The following CDK14 variants were observed in gnomAD, a reference collection of about 807,000 sequenced individuals.
The protein encoded by CDK14 is cyclin dependent kinase 14.
A neutral mutation model predicts 60.7 loss-of-function variants in CDK14; 34 were observed. That is an observed-to-expected ratio of 0.56 (90% confidence interval 0.43 to 0.75). CDK14 has a LOEUF of 0.75. Ranked by LOEUF, CDK14 falls within the 30% of genes least tolerant of loss-of-function variation. The pLI is 0.00. For synonymous variants in CDK14, 197 were observed against 203.7 expected (o/e 0.97, Z 0.28); for missense variants, 482 against 564.1 (o/e 0.85, Z 1.47).
chr7:91,118,196 CAA>C lies in CDK14; in HGVS notation c.*17_*18del. On this transcript the variant is annotated 3_prime_UTR_variant, in exon 14 of 15. Coordinates refer to ENST00000380050, the MANE Select transcript of CDK14 (RefSeq NM_001287135.2). Reference sequence around the variant, plus strand: ...CAAGCACTGACAAGCAGCACATTCTCAAGAGCACACAGGTAAGAGGACCTGCT... The same window carrying C: ...CAAGCACTGACAAGCAGCACATTCTCGAGCACACAGGTAAGAGGACCTGCT... 6.8e-7 allele frequency: 1 copy of C among 1,470,734 alleles called. No homozygotes were observed. 91.1% of individuals were successfully genotyped at this position (1,470,734 alleles called of 1,614,324 possible).
chr7:90,889,320 G>T (rs989819765), intron 6 of CDK14, among the ~76,000 whole-genome samples: 1 of 152,162 alleles, frequency 6.6e-6, no homozygotes, highest in East Asian at 1.9e-4. Context: ...GTCTATCCAT[G>T]ATGTCATTGC....
At chr7:90,788,719 G>A (rs966781946) in intron 4 of CDK14, among the ~76,000 whole-genome samples, 1 of 152,134 alleles carries the variant, frequency 6.6e-6, no homozygotes, top group Non-Finnish European at 1.5e-5. Flanking sequence ...TTTTTTGAGC[G>A]AAAGCAGACC....
chr7:91,090,226 G>A (rs936407178), intron 12 of CDK14, among the ~76,000 whole-genome samples: 2 of 152,014 alleles, frequency 1.3e-5, no homozygotes, highest in African/African-American at 2.4e-5. Context: ...AGTCTCTACC[G>A]TTCATCTAAA....
At chr7:91,058,635 G>A (rs1797665894) in intron 11 of CDK14, among the ~76,000 whole-genome samples, 1 of 152,176 alleles carries the variant, frequency 6.6e-6, no homozygotes, top group Non-Finnish European at 1.5e-5. Context: ...TTTTGTCAAA[G>A]GCTTTTTCTG....
chr7:91,156,089 T>G (rs1322009131), intron 14 of CDK14, among the ~76,000 whole-genome samples: 3 of 152,218 alleles, frequency 2.0e-5, no homozygotes, highest in African/African-American at 7.2e-5. Context: ...TGGCACTCAT[T>G]TATCACCTTC....
chr7:91,034,931 CACACACATACACAT>C (rs1796872795), intron 10 of CDK14, among the ~76,000 whole-genome samples: 1 of 118,346 alleles, frequency 8.4e-6, no homozygotes, highest in Admixed American at 1.0e-4. Flanking sequence ...TGTACACACA[CACACACATACACAT>C]ACACACACAC....
At chr7:91,188,918 A>G (rs2115926997) in intron 14 of CDK14, among the ~76,000 whole-genome samples, 1 of 152,296 alleles carries the variant, frequency 6.6e-6, no homozygotes, top group Non-Finnish European at 1.5e-5. Context: ...AGTAACAACC[A>G]AGTGCCCAAA....
At chr7:91,005,806 G>A (rs1032486025) in intron 10 of CDK14, among the ~76,000 whole-genome samples, 2 of 152,316 alleles carry the variant, frequency 1.3e-5, no homozygotes, top group African/African-American at 2.4e-5. Context: ...TCTAATTAAC[G>A]TTATGTAAAA....
At chr7:90,907,399 T>C (rs1792744182) in intron 7 of CDK14, among the ~76,000 whole-genome samples, 1 of 152,084 alleles carries the variant, frequency 6.6e-6, no homozygotes, top group Admixed American at 6.6e-5. Flanking sequence ...CAGTTTTTCA[T>C]GTGTTCTTTA....
chr7:91,032,151 A>G (rs1030765685), intron 10 of CDK14, among the ~76,000 whole-genome samples: 2 of 152,170 alleles, frequency 1.3e-5, no homozygotes, highest in East Asian at 1.9e-4. Context: ...TTTCATTATT[A>G]TGTCCTATTT....
intron 12 of CDK14, among the ~76,000 whole-genome samples, chr7:91,079,714 A>C (rs1798430295): frequency 2.0e-5 from 3 of 152,182 alleles, no homozygotes; most frequent in Admixed American, 2.0e-4. Flanking sequence ...AGAACTGTAA[A>C]TCCTAAAATT....
chr7:91,008,912 A>G (rs1342675616), intron 10 of CDK14, among the ~76,000 whole-genome samples: 1 of 152,132 alleles, frequency 6.6e-6, no homozygotes, highest in African/African-American at 2.4e-5. Context: ...TTAAGTTTTG[A>G]CATGTGTATA....
At chr7:90,929,118 T>A (rs981571638) in intron 8 of CDK14, among the ~76,000 whole-genome samples, 1 of 152,220 alleles carries the variant, frequency 6.6e-6, no homozygotes, top group Non-Finnish European at 1.5e-5. Context: ...TTTTCTCGAT[T>A]TTCTGTCACG....
intron 9 of CDK14, among the ~76,000 whole-genome samples, chr7:90,974,705 A>G (rs1362812662): frequency 3.3e-5 from 5 of 152,148 alleles, no homozygotes; most frequent in Non-Finnish European, 7.3e-5. Context: ...TTAGTTAACA[A>G]TATCTTTTTG....
chr7:91,144,935 G>T (rs1164986497), intron 14 of CDK14, among the ~76,000 whole-genome samples: 1 of 152,206 alleles, frequency 6.6e-6, no homozygotes, highest in Non-Finnish European at 1.5e-5. Context: ...TAAGGGCAGA[G>T]AAAAGAGAAA....
intron 5 of CDK14, among the ~76,000 whole-genome samples, chr7:90,834,226 A>G (rs1197861342): frequency 6.6e-6 from 1 of 152,252 alleles, no homozygotes; most frequent in East Asian, 1.9e-4. Context: ...CATATGTACA[A>G]TTACTACATT....
Position 91,160,456 on chromosome 7 carries a change from A to G in CDK14, c.*28+42248A>G, listed in dbSNP as rs543736158. Reference sequence around the variant, plus strand: ...GACTTAAAGAGCAGGAAAGTCCCCAATCACCATCTGGATAATATATGTATA... The same window carrying G: ...GACTTAAAGAGCAGGAAAGTCCCCAGTCACCATCTGGATAATATATGTATA... On this transcript the variant is annotated intron_variant, in intron 14 of 14. Transcript: ENST00000380050. Among the ~76,000 whole-genome samples the G allele has an allele frequency of 3.0e-3, 462 of 152,262 alleles. 5 individuals carry two copies. The highest frequency in any genetic ancestry group is 0.01 in the Middle Eastern group (3 of 294).
In CDK14 at chr7:90,789,557, A is replaced by G. The variant is rs144768384; in HGVS notation, c.465-1016A>G. Among the ~76,000 whole-genome samples the G allele has an allele frequency of 3.3e-5, 5 of 152,254 alleles. No homozygotes were observed. The East Asian group carries it at 7.7e-4, about 23-fold the overall frequency. ...AAAATACAGTATAACAACTATTTACATAGTGTTTATATTGTATTAGGTATT... is the reference window on the plus strand; with the variant it reads ...AAAATACAGTATAACAACTATTTACGTAGTGTTTATATTGTATTAGGTATT... On this transcript the variant is annotated intron_variant, in intron 4 of 14. Coordinates refer to ENST00000380050, the MANE Select transcript of CDK14 (RefSeq NM_001287135.2).
At chr7:90,804,151 A>G (rs931331185) in intron 5 of CDK14, among the ~76,000 whole-genome samples, 5 of 152,226 alleles carry the variant, frequency 3.3e-5, no homozygotes, top group Admixed American at 6.5e-5. Context: ...AAAGCTCCAT[A>G]AGCGAGGAGC....
Sources: allele counts gnomAD v4.1 joint callset (sites outside exome capture counted in the v4.1 genomes callset), GRCh38; gene constraint gnomAD v4.1.1; transcripts MANE v1.5; gene names NCBI Gene and HGNC (gene_info 2026-07-23, HGNC 2026-07-21).